Variants in WDTC1 observed in about 807,000 individuals in gnomAD.
WDTC1 encodes the protein WD and tetratricopeptide repeats 1, also known as WD and tetratricopeptide repeats protein 1.
Under a neutral mutation model 76.0 loss-of-function variants are expected in WDTC1, and 12 were observed. The observed-to-expected ratio is 0.16, with a 90% confidence interval of 0.10 to 0.26. The LOEUF is 0.26. Ranked by LOEUF, WDTC1 falls within the 10% of genes least tolerant of loss-of-function variation. The pLI is 1.00. For synonymous variants in WDTC1, 326 were observed against 350.8 expected, an observed-to-expected ratio of 0.93 and a Z score of 0.79; for missense variants, 511 against 908.8, an observed-to-expected ratio of 0.56 and a Z score of 5.63.
intron 12 of WDTC1, among the ~76,000 whole-genome samples, chr1:27,299,612 C>T (rs1458257287): frequency 1.3e-5 from 2 of 152,036 alleles, no homozygotes; most frequent in East Asian, 1.9e-4. Context: ...GCAGAGGGTT[C>T]GGAAAGGGAC....
intron 6 of WDTC1, among the ~76,000 whole-genome samples, chr1:27,289,189 C>T (rs1342799869): frequency 2.2e-5 from 3 of 138,912 alleles, no homozygotes; most frequent in Admixed American, 7.1e-5. Context: ...CCGGACGGGG[C>T]GGCTGGCCGG....
chr1:27,261,769 A>C (rs2012481407), intron 2 of WDTC1, among the ~76,000 whole-genome samples: 1 of 152,016 alleles, frequency 6.6e-6, no homozygotes, highest in African/African-American at 2.4e-5. Context: ...TAATTAACTA[A>C]CTATAGGTCT....
chr1:27,262,658 G>T (rs533610258), intron 2 of WDTC1, among the ~76,000 whole-genome samples: 2 of 152,104 alleles, frequency 1.3e-5, no homozygotes, highest in South Asian at 4.1e-4. Context: ...CAAAGTACTG[G>T]GATTACAGGC....
At chr1:27,290,183 G>A (rs1033904837) in intron 6 of WDTC1, among the ~76,000 whole-genome samples, 2 of 152,128 alleles carry the variant, frequency 1.3e-5, no homozygotes, top group African/African-American at 2.4e-5. Flanking sequence ...CTGGGCTCAG[G>A]CGATTCTCCC....
intron 1 of WDTC1, among the ~76,000 whole-genome samples, chr1:27,248,077 T>C (rs578199452): frequency 6.6e-6 from 1 of 152,354 alleles, no homozygotes; most frequent in Admixed American, 6.5e-5. Flanking sequence ...ATTCCATGTC[T>C]TGCTTATTGT....
rs1397182582 is a variant in WDTC1 at position 27,261,086 on chromosome 1, T to A, written c.32T>A (p.Ile11Asn). The A allele has an allele frequency of 1.7e-5, 28 of 1,614,000 alleles. No homozygotes were observed. Among genetic ancestry groups the A allele is most frequent in the Non-Finnish European group, 2.3e-5 (27 of 1,179,996 alleles). Reference sequence around the variant, plus strand: ...AAAGTCAACATAACTAGAGACCTCATCCGTAGGCAGATCAAGGTAAGCAGC... The same window carrying A: ...AAAGTCAACATAACTAGAGACCTCAACCGTAGGCAGATCAAGGTAAGCAGC... MAKVNITRDL[I>N]RRQIKERGAL... Residue 11 changes from isoleucine to asparagine, a missense_variant, in exon 2 of 16, where the codon ATC becomes AAC. Coordinates refer to ENST00000319394, the MANE Select transcript of WDTC1 (RefSeq NM_001276252.2).
At position 27,303,973 on chromosome 1, in the gene WDTC1, C is replaced by T; in HGVS notation, c.1643+178C>T. 1.4e-6 allele frequency: 1 copy of T among 740,002 alleles called. No individual in the cohort carries two copies. Among genetic ancestry groups the T allele is most frequent in the Non-Finnish European group, 2.1e-6 (1 of 466,058 alleles). 45.8% of individuals were successfully genotyped at this position (740,002 alleles called of 1,614,324 possible). ...GTTTTTTAATCTATGAAATGACCAA[C>T]CTGCCATGCCCATTTATGAGGCCAT... On this transcript the variant is annotated intron_variant, in intron 14 of 15. Coordinates refer to ENST00000319394, the MANE Select transcript of WDTC1 (RefSeq NM_001276252.2). This position sits in a 1 kb window ranked among gnomAD's most constrained non-coding sequence, Gnocchi z 4.8.
chr1:27,246,899 C>T (rs1253381370), intron 1 of WDTC1, among the ~76,000 whole-genome samples: 3 of 140,330 alleles, frequency 2.1e-5, no homozygotes, highest in African/African-American at 5.3e-5. Flanking sequence ...CAGGGTCTCA[C>T]TCTGTCACCC....
At chr1:27,279,221 T>G (rs1036515115) in intron 3 of WDTC1, among the ~76,000 whole-genome samples, 18 of 152,050 alleles carry the variant, frequency 1.2e-4, no homozygotes, top group Non-Finnish European at 2.1e-4. Context: ...ATATAATAGG[T>G]GCTTGAATAA....
chr1:27,303,941 C>A lies in WDTC1; in HGVS notation c.1643+146C>A. On this transcript the variant is annotated intron_variant, in intron 14 of 15. Transcript: ENST00000319394. The surrounding 1 kb of genome is among the most constrained non-coding windows in gnomAD (Gnocchi z 4.8). Reference sequence around the variant, plus strand: ...GGCAAATGGCTTCACCTTTGTCAGCCTCTAAAGTTTTTTAATCTATGAAAT... The same window carrying A: ...GGCAAATGGCTTCACCTTTGTCAGCATCTAAAGTTTTTTAATCTATGAAAT... 1.8e-6 allele frequency: 2 copies of A among 1,114,302 alleles called. No individual in the cohort carries two copies. The highest frequency in any genetic ancestry group is 2.8e-5 in the East Asian group (1 of 35,610). 69.0% of individuals were successfully genotyped at this position (1,114,302 alleles called of 1,614,324 possible). A position where few individuals can be genotyped will look rare whatever the true frequency, so the allele number is the denominator to read the frequency against.
Position 27,301,667 on chromosome 1 carries a change from C to G in WDTC1, c.1468+206C>G, listed in dbSNP as rs564900207. 1.3e-5 allele frequency among the ~76,000 whole-genome samples: 2 copies of G among 152,218 alleles called. No individual in the cohort carries two copies. The highest frequency in any genetic ancestry group is 4.8e-5 in the African/African-American group (2 of 41,518). ...AGGCATGCCAGCACCTCCCACTGAGCGTTTCTATTGAGGATCAGCATGTTT... is the reference window on the plus strand; with the variant it reads ...AGGCATGCCAGCACCTCCCACTGAGGGTTTCTATTGAGGATCAGCATGTTT... On this transcript the variant is annotated intron_variant, in intron 13 of 15. Transcript: ENST00000319394. The surrounding 1 kb of genome is among the most constrained non-coding windows in gnomAD (Gnocchi z 5.8).
Position 27,292,294 on chromosome 1 carries a change from G to A in WDTC1, c.559G>A (p.Ala187Thr). 6.2e-7 allele frequency: 1 copy of A among 1,613,192 alleles called. No individual in the cohort carries two copies. The highest frequency in any genetic ancestry group is 8.5e-7 in the Non-Finnish European group (1 of 1,179,630). Residue 187 changes from alanine (A) to threonine (T), a missense_variant, in exon 7 of 16, where the codon GCC becomes ACC. By Grantham distance (58) the Ala-to-Thr change is moderately conservative (BLOSUM62 0). Coordinates refer to ENST00000319394, the MANE Select transcript of WDTC1 (RefSeq NM_001276252.2). ...AGAGTACTGTGGCCAGCTGGTGGAG[G>A]CCAAGTGCCTCACTGTCAACCCCCA... ...LTEYCGQLVE[A>T]KCLTVNPQDN...
At chr1:27,247,769 A>T (rs2011896215) in intron 1 of WDTC1, among the ~76,000 whole-genome samples, 1 of 141,730 alleles carries the variant, frequency 7.1e-6, no homozygotes, top group Non-Finnish European at 1.5e-5. Flanking sequence ...CCCAGCCTGG[A>T]GTGCAATGGC....
rs558678796 is a variant in WDTC1, at chr1:27,268,109, A to T, written c.132+4874A>T. ...ATATCAAACATAATGCTCAACAAAT[A>T]CTCTCTCTCAAACCCCAATGTGTTC... On this transcript the variant is annotated intron_variant, in intron 3 of 15. Transcript: ENST00000319394. Among the ~76,000 whole-genome samples, 26 of 152,186 alleles carry T rather than the reference A, an allele frequency of 1.7e-4. 1 individual carries two copies. In the South Asian group the frequency reaches 5.0e-3, roughly 29 times the overall value.
At chr1:27,251,720 G>C (rs913907974) in intron 1 of WDTC1, among the ~76,000 whole-genome samples, 1 of 152,092 alleles carries the variant, frequency 6.6e-6, no homozygotes, top group African/African-American at 2.4e-5. Context: ...CTACTTGGGA[G>C]TCTGAGGTGG....
At chr1:27,252,945 A>C (rs1029608744) in intron 1 of WDTC1, among the ~76,000 whole-genome samples, 2 of 151,880 alleles carry the variant, frequency 1.3e-5, no homozygotes, top group South Asian at 4.2e-4. Flanking sequence ...TTGTGCTTCT[A>C]AGATGTAGGA....
intron 3 of WDTC1, among the ~76,000 whole-genome samples, chr1:27,263,464 C>T (rs1208183863): frequency 6.6e-6 from 1 of 152,080 alleles, no homozygotes; most frequent in Non-Finnish European, 1.5e-5. Flanking sequence ...GATGAAGTCT[C>T]GCTCTGTCAC....
In WDTC1 at chr1:27,274,876, G is replaced by A. The variant is rs190611713; in HGVS notation, c.133-7363G>A. Among the ~76,000 whole-genome samples the A allele has an allele frequency of 2.0e-4, 31 of 152,262 alleles. No individual in the cohort carries two copies. The East Asian group carries it at 2.9e-3, about 14-fold the overall frequency. ...TTCACTTGTGGGATTTCTTGGCACC[G>A]TATTAGACACATGGTAGAGAGAAGA... On this transcript the variant is annotated intron_variant, in intron 3 of 15. Coordinates refer to ENST00000319394, the MANE Select transcript of WDTC1 (RefSeq NM_001276252.2). This position sits in a 1 kb window ranked among gnomAD's most constrained non-coding sequence, Gnocchi z 4.2.
chr1:27,243,729 T>C (rs1232420312), intron 1 of WDTC1, among the ~76,000 whole-genome samples: 1 of 152,160 alleles, frequency 6.6e-6, no homozygotes, highest in Admixed American at 6.6e-5. Flanking sequence ...TCAATAAATA[T>C]TATTTAATAG....
Sources: gnomAD v4.1 joint callset for allele counts (sites outside exome capture counted in the v4.1 genomes callset) on GRCh38, gnomAD v4.1.1 for gene constraint, Gnocchi (gnomAD v3.1) non-coding constraint, MANE v1.5 for transcripts, NCBI Gene and HGNC (gene_info 2026-07-23, HGNC 2026-07-21) for gene names.